Variants in WDR25 observed in about 807,000 individuals in gnomAD.
WDR25 encodes the protein WD repeat-containing protein 25.
WDR25 carries 35 observed loss-of-function variants against 47.7 expected under a neutral mutation model. The ratio of observed to expected loss-of-function variants is 0.73; its 90% CI spans 0.56 to 0.97. The LOEUF is 0.97. Ranked by LOEUF, WDR25 falls within the 50% of genes least tolerant of loss-of-function variation. The probability of loss-of-function intolerance (pLI) is 0.00; values close to 1 mark genes in which losing one functional copy is unlikely to be tolerated. For synonymous variants in WDR25, 248 were observed against 278.9 expected (o/e 0.89, Z 1.10); for missense variants, 634 against 704.7 (o/e 0.90, Z 1.14).
rs763765802 is a variant in WDR25, at chr14:100,392,983, G to A, written c.822+11237G>A. ...GATTATACCAATTTGCACTGCCACCGCAAAGCTTGCGGTGTTGGTAATAAC... is the reference window on the plus strand; with the variant it reads ...GATTATACCAATTTGCACTGCCACCACAAAGCTTGCGGTGTTGGTAATAAC... On this transcript the variant is annotated intron_variant, in intron 2 of 6. Coordinates refer to ENST00000402312, the MANE Select transcript of WDR25 (RefSeq NM_001161476.3). The surrounding 1 kb of genome is among the most constrained non-coding windows in gnomAD (Gnocchi z 4.2). Among the ~76,000 whole-genome samples the A allele has an allele frequency of 1.3e-5, 2 of 152,176 alleles. No individual in the cohort carries two copies. Among genetic ancestry groups the A allele is most frequent in the African/African-American group, 2.4e-5 (1 of 41,438 alleles).
intron 2 of WDR25, among the ~76,000 whole-genome samples, chr14:100,460,569 T>C (rs953072500): frequency 1.3e-5 from 2 of 152,140 alleles, no homozygotes; most frequent in African/African-American, 4.8e-5. Flanking sequence ...TGTTAATGAC[T>C]AATTATGAAA....
rs769356019 is a variant in WDR25 at position 100,381,087 on chromosome 14, C to G, written c.163C>G (p.Leu55Val). 3.7e-6 allele frequency: 6 copies of G among 1,614,232 alleles called. No individual in the cohort carries two copies. The South Asian group carries it at 6.6e-5, about 18-fold the overall frequency. ...TGGGCAGGATTTTGCATCTGGTACA[C>G]TGGATGTGCCCAAAGCAGGGGCACA... is the stretch of plus-strand genomic sequence containing the variant. ...PPGQDFASGT[L>V]DVPKAGAQPT... The change falls in exon 2 of 7, where the codon CTG (leucine) becomes GTG (valine). Residue 55 changes from leucine (L) to valine (V), a missense_variant. Leu to Val is a conservative substitution (Grantham distance 32, BLOSUM62 1). Transcript: ENST00000402312.
In WDR25 at chr14:100,452,134, C is replaced by CCATT. The variant is rs536336507; in HGVS notation, c.823-15875_823-15872dup. 7.9e-5 allele frequency among the ~76,000 whole-genome samples: 12 copies of CCATT among 152,284 alleles called. No homozygotes were observed. The South Asian group carries it at 1.7e-3, about 21-fold the overall frequency. ...TCCATTCATAACCCATCCCTCCATG[C>CCATT]CATTCATTCATTCATCCATTCCGTT... On this transcript the variant is annotated intron_variant, in intron 2 of 6. Coordinates refer to ENST00000402312, the MANE Select transcript of WDR25 (RefSeq NM_001161476.3).
chr14:100,478,447 C>A (rs1348682065), intron 3 of WDR25, among the ~76,000 whole-genome samples: 2 of 152,224 alleles, frequency 1.3e-5, no homozygotes, highest in Admixed American at 6.5e-5. Flanking sequence ...ATAATGATGG[C>A]TATGGCCCTA....
Position 100,529,273 on chromosome 14 carries a change from G to A in WDR25, c.1413+65G>A. 6.2e-7 allele frequency: 1 copy of A among 1,604,288 alleles called. No homozygotes were observed. ...AGCCCCAAGCCTCCTGGCAGTCCTGGACATGGGCCCTGGGGTGCATGGAGC... is the reference window on the plus strand; with the variant it reads ...AGCCCCAAGCCTCCTGGCAGTCCTGAACATGGGCCCTGGGGTGCATGGAGC... On this transcript the variant is annotated intron_variant, in intron 6 of 6. Coordinates refer to ENST00000402312, the MANE Select transcript of WDR25 (RefSeq NM_001161476.3). The surrounding 1 kb of genome is among the most constrained non-coding windows in gnomAD (Gnocchi z 5.1).
intron 1 of WDR25, among the ~76,000 whole-genome samples, chr14:100,378,677 G>GAGA (rs1566878593): frequency 1.2e-5 from 1 of 86,482 alleles, no homozygotes; most frequent in Admixed American, 9.1e-5. Context: ...GTTCCAGGCA[G>GAGA]GCCGGGCGCG....
intron 2 of WDR25, among the ~76,000 whole-genome samples, chr14:100,454,306 G>T (rs950893623): frequency 6.6e-6 from 1 of 152,198 alleles, no homozygotes; most frequent in Non-Finnish European, 1.5e-5. Context: ...CTACCAGAAG[G>T]CTGGGTGTGG....
At chr14:100,507,120 T>C (rs1018652098) in intron 4 of WDR25, among the ~76,000 whole-genome samples, 1 of 152,222 alleles carries the variant, frequency 6.6e-6, no homozygotes, top group Non-Finnish European at 1.5e-5. Flanking sequence ...TTTTTTTGTA[T>C]ATGGCTAGCC....
At chr14:100,454,547 G>A in intron 2 of WDR25, 4 of 879,050 alleles carry the variant, frequency 4.6e-6, no homozygotes, top group Non-Finnish European at 4.9e-6. Flanking sequence ...CTACCTGAAG[G>A]TATTGGAGAG....
At chr14:100,522,974 G>C (rs2029930756) in intron 4 of WDR25, among the ~76,000 whole-genome samples, 1 of 152,184 alleles carries the variant, frequency 6.6e-6, no homozygotes, top group African/African-American at 2.4e-5. Context: ...CACAGGGCAG[G>C]GGCTGGCTCA....
At chr14:100,383,361 T>C (rs1896949025) in intron 2 of WDR25, among the ~76,000 whole-genome samples, 1 of 152,226 alleles carries the variant, frequency 6.6e-6, no homozygotes, top group Admixed American at 6.5e-5. Context: ...GCCCCGGGGC[T>C]TCTCTGCTCT....
intron 2 of WDR25, among the ~76,000 whole-genome samples, chr14:100,397,452 A>G (rs953354865): frequency 6.6e-6 from 1 of 152,208 alleles, no homozygotes; most frequent in Admixed American, 6.5e-5. Context: ...TTCATTCAAC[A>G]TCTGTTGTGA....
intron 4 of WDR25, among the ~76,000 whole-genome samples, chr14:100,510,990 A>G (rs1054436848): frequency 6.6e-6 from 1 of 152,004 alleles, no homozygotes; most frequent in Non-Finnish European, 1.5e-5. Flanking sequence ...TAAGTCTTCC[A>G]CCTTTGTTCT....
At chr14:100,454,922 T>G (rs1238217855) in intron 2 of WDR25, 3 of 149,166 alleles carry the variant, frequency 2.0e-5, no homozygotes, top group African/African-American at 5.0e-5. Flanking sequence ...TAGCTGCGTG[T>G]TTTTTTTTTT....
chr14:100,447,489 G>C (rs1898877532), intron 2 of WDR25, among the ~76,000 whole-genome samples: 1 of 152,162 alleles, frequency 6.6e-6, no homozygotes, highest in Non-Finnish European at 1.5e-5. Context: ...TCCGGTCTCT[G>C]GCTTGAACAG....
chr14:100,493,770 C>T (rs966890838), intron 4 of WDR25, among the ~76,000 whole-genome samples: 1 of 152,110 alleles, frequency 6.6e-6, no homozygotes, highest in Non-Finnish European at 1.5e-5. Flanking sequence ...ATGTTGAGGC[C>T]CTAATCCCTA....
rs925130247 is a variant in WDR25, at chr14:100,404,365, A to G, written c.822+22619A>G. ...GCAGATGTTTGGAACCTGGGTTCTCATTTTCCTGTAGAATCAGTGTTATTC... is the reference window on the plus strand; with the variant it reads ...GCAGATGTTTGGAACCTGGGTTCTCGTTTTCCTGTAGAATCAGTGTTATTC... On this transcript the variant is annotated intron_variant, in intron 2 of 6. Transcript: ENST00000402312. This position sits in a 1 kb window ranked among gnomAD's most constrained non-coding sequence, Gnocchi z 4.6. 1.3e-5 allele frequency among the ~76,000 whole-genome samples: 2 copies of G among 152,156 alleles called. No individual in the cohort carries two copies. The highest frequency in any genetic ancestry group is 4.8e-5 in the African/African-American group (2 of 41,426).
At chr14:100,483,434 C>T (rs1566931969) in intron 3 of WDR25, among the ~76,000 whole-genome samples, 1 of 152,178 alleles carries the variant, frequency 6.6e-6, no homozygotes, top group Non-Finnish European at 1.5e-5. Flanking sequence ...GCTTGGGCCA[C>T]CATGATGGCC....
chr14:100,381,686 G>A lies in WDR25; in HGVS notation c.762G>A (p.Trp254Ter). The A allele has an allele frequency of 6.2e-7, 1 of 1,614,122 alleles. No homozygotes were observed. The highest frequency in any genetic ancestry group is 8.5e-7 in the Non-Finnish European group (1 of 1,180,012). Residue 254 changes from tryptophan (W) to a stop codon, truncating the protein, a stop_gained, in exon 2 of 7, where the codon TGG becomes TGA. Coordinates refer to ENST00000402312, the MANE Select transcript of WDR25 (RefSeq NM_001161476.3). LOFTEE classifies it high-confidence loss of function. ...GGGGCCCTGTCAACACCATTCAGTG[G>A]TGTCCAGTCCTTTCTAAGAGCCACA... Reference protein sequence around the residue: ...GHRGPVNTIQWCPVLSKSHML... With the variant: ...GHRGPVNTIQ
Sources: allele counts gnomAD v4.1 joint callset (sites outside exome capture counted in the v4.1 genomes callset), GRCh38; gene constraint gnomAD v4.1.1; non-coding constraint Gnocchi (gnomAD v3.1); transcripts MANE v1.5; gene names NCBI Gene and HGNC (gene_info 2026-07-23, HGNC 2026-07-21).